Variants in FUZ observed in about 807,000 individuals in gnomAD.
FUZ encodes the protein fuzzy planar cell polarity protein, also known as protein fuzzy homolog.
A neutral mutation model predicts 43.1 loss-of-function variants in FUZ; 31 were observed. The ratio of observed to expected loss-of-function variants is 0.72; its 90% CI spans 0.54 to 0.97. FUZ has a LOEUF of 0.97. Ranked by LOEUF, FUZ falls within the 50% of genes least tolerant of loss-of-function variation. The pLI is 0.00. For missense variants in FUZ, 539 were observed against 543.8 expected (o/e 0.99, Z 0.09); for synonymous variants, 274 against 250.0 (o/e 1.10, Z -0.91).
At position 49,809,097 on chromosome 19, in the gene FUZ, G is replaced by A. The variant is rs1355477225; in HGVS notation, c.786+66C>T. 1 of 1,404,618 alleles carries A rather than the reference G, an allele frequency of 7.1e-7. No homozygotes were observed. The highest frequency in any genetic ancestry group is 2.5e-5 in the East Asian group (1 of 40,232). The allele number at this position is 1,404,618 out of a possible 1,614,324, so 87.0% of individuals were successfully genotyped here. A position where few individuals can be genotyped will look rare whatever the true frequency, so the allele number is the denominator to read the frequency against. On this transcript the variant is annotated intron_variant, in intron 7 of 10. Coordinates refer to ENST00000313777, the MANE Select transcript of FUZ (RefSeq NM_025129.5). This position sits in a 1 kb window ranked among gnomAD's most constrained non-coding sequence, Gnocchi z 5.1. ...AAAGATGCCGCTGGCAGGGCAGGGT[G>A]GTGGGGAAGGGCCCTCCTGGTAGCG...
intron 3 of FUZ, 53 bp downstream of exon 3, chr19:49,812,197 TG>T (rs2073825081): frequency 7.9e-7 from 1 of 1,260,970 alleles, no homozygotes; most frequent in Non-Finnish European, 1.2e-6. Flanking sequence ...GGGAAAAGGA[TG>T]CTGAGATCTC....
chr19:49,808,915 T>A (rs1308278910), intron 7 of FUZ, 92 bp from the exon 8 acceptor site: 1 of 1,016,762 alleles, frequency 9.8e-7, no homozygotes, highest in Non-Finnish European at 1.5e-6. Context: ...GCGTGGTCAA[T>A]CGGGAGGGGC....
In FUZ at chr19:49,808,712, C is replaced by T. The variant is rs1466303254; in HGVS notation, c.893+5G>A. ...CCCGACCCACTCCCTCCATCCGAGCCCTACCCGAGGATGTCTGTGTGAAGG... is the reference window on the plus strand; with the variant it reads ...CCCGACCCACTCCCTCCATCCGAGCTCTACCCGAGGATGTCTGTGTGAAGG... On this transcript the variant is annotated splice_donor_5th_base_variant and intron_variant, in intron 8 of 10. Coordinates refer to ENST00000313777, the MANE Select transcript of FUZ (RefSeq NM_025129.5). 1 of 1,595,846 alleles carries T rather than the reference C, an allele frequency of 6.3e-7. No homozygotes were observed. The highest frequency in any genetic ancestry group is 2.3e-5 in the East Asian group (1 of 44,048).
At chr19:49,808,532 C>G (rs2073535917) in intron 9 of FUZ, 42 bp downstream of exon 9, 17 of 1,595,304 alleles carry the variant, frequency 1.1e-5, no homozygotes, top group Non-Finnish European at 1.5e-5. Context: ...CTCCCCGGCC[C>G]ACGCCCCTCC....
rs750242672 is a variant in FUZ, at chr19:49,813,097, C to T, written c.10G>A (p.Glu4Lys). 3 of 1,551,298 alleles carry T rather than the reference C, an allele frequency of 1.9e-6. No individual in the cohort carries two copies. The highest frequency in any genetic ancestry group is 3.9e-5 in the Admixed American group (2 of 51,008). ...AGATGCACAGTGCCGCCCGTCCCCT[C>T]CTCCCCCATTTAGGACTCCCACCGC... MGE[E>K]GTGGTVHLLC... Residue 4 changes from glutamate to lysine, a missense_variant, in exon 1 of 11, where the codon GAG becomes AAG. By Grantham distance (56) the Glu-to-Lys change is moderately conservative. Coordinates refer to ENST00000313777, the MANE Select transcript of FUZ (RefSeq NM_025129.5).
chr19:49,811,059 G>A (rs2073756773), intron 5 of FUZ: 1 of 431,580 alleles, frequency 2.3e-6, no homozygotes, highest in African/African-American at 2.0e-5. Flanking sequence ...GCTGAGGCAG[G>A]AGAATTACTT....
rs150642478 is a variant in FUZ, at chr19:49,809,537, G to C, written c.531C>G (p.Thr177=). 145 of 1,601,544 alleles carry C rather than the reference G, an allele frequency of 9.1e-5. No individual in the cohort carries two copies. In the African/African-American group the frequency reaches 1.6e-3, roughly 18 times the overall value. The change falls in exon 6 of 11, where the codon ACC becomes ACG. Residue 177 remains threonine (T), a synonymous_variant. Transcript: ENST00000313777. This position sits in a 1 kb window ranked among gnomAD's most constrained non-coding sequence, Gnocchi z 5.1. The part of the protein sequence containing the change: ...LSGFAEAAGT[T]FVSLVVSGRV... Reference sequence around the variant, plus strand: ...GGCCGGACACCACCAGACTGACGAAGGTCGTGCCCGCGGCCTCAGCGAACC... The same window carrying C: ...GGCCGGACACCACCAGACTGACGAACGTCGTGCCCGCGGCCTCAGCGAACC...
At position 49,808,621 on chromosome 19, in the gene FUZ, A is replaced by C. The variant is rs147900073; in HGVS notation, c.911T>G (p.Leu304Arg). Reference protein sequence around the residue: ...TDILGLLLLHLELKRCLFTVE... With the variant: ...TDILGLLLLHRELKRCLFTVE... ...GGTGAAGAGGCAGCGCTTCAGTTCC[A>C]GGTGGAGGAGCAGCAGCCTGTGGGA... Residue 304 changes from leucine (L) to arginine (R), a missense_variant, in exon 9 of 11, where the codon CTG (leucine) becomes CGG (arginine). Transcript: ENST00000313777. 18 of 1,613,148 alleles carry C rather than the reference A, an allele frequency of 1.1e-5. No homozygotes were observed. The highest frequency in any genetic ancestry group is 1.5e-5 in the Non-Finnish European group (18 of 1,179,718).
At chr19:49,812,369 C>T (rs775283968) in intron 2 of FUZ, 34 bp from the exon 3 acceptor site, 9 of 1,579,314 alleles carry the variant, frequency 5.7e-6, no homozygotes, top group Non-Finnish European at 7.8e-6. Context: ...TGAGTCAAGG[C>T]CTGGGGAATC....
chr19:49,813,089 C>T lies in FUZ; in HGVS notation c.18G>A (p.Thr6=), dbSNP rs1482832841. The change falls in exon 1 of 11, where the codon ACG becomes ACA. Residue 6 remains threonine (T), a synonymous_variant. Transcript: ENST00000313777. The part of the protein sequence containing the change: MGEEG[T]GGTVHLLCLA... ...GGCACAGCAGATGCACAGTGCCGCC[C>T]GTCCCCTCCTCCCCCATTTAGGACT... is the stretch of plus-strand genomic sequence containing the variant. 14 of 1,551,256 alleles carry T rather than the reference C, an allele frequency of 9.0e-6. No homozygotes were observed. Among genetic ancestry groups the T allele is most frequent in the Non-Finnish European group, 1.1e-5 (13 of 1,146,958 alleles).
At chr19:49,807,513 C>T (rs548718510) in intron 10 of FUZ, 139 bp from the exon 11 acceptor site, 18 of 826,392 alleles carry the variant, frequency 2.2e-5, no homozygotes, top group South Asian at 1.5e-4. Flanking sequence ...GGGAGGGCCT[C>T]GGGGCTCTAG....
In FUZ at chr19:49,806,958, CCCCT is replaced by C. The variant is rs767602587; in HGVS notation, c.*189_*192del. The C allele has an allele frequency of 7.2e-6, 11 of 1,532,742 alleles. No homozygotes were observed. The highest frequency in any genetic ancestry group is 9.6e-6 in the Non-Finnish European group (11 of 1,146,318). The allele number at this position is 1,532,742 out of a possible 1,614,324, so 94.9% of individuals were successfully genotyped here. ...ACATTCTGGGGGGTTAGGGGGAGTC[CCCCT>C]CCCTCCCTTTCCCCCCCAAGCACAG... On this transcript the variant is annotated 3_prime_UTR_variant, in exon 11 of 11. Coordinates refer to ENST00000313777, the MANE Select transcript of FUZ (RefSeq NM_025129.5).
rs1227389881 is a variant in FUZ at position 49,808,558 on chromosome 19, C to G, written c.958+16G>C. 3 of 1,602,142 alleles carry G rather than the reference C, an allele frequency of 1.9e-6. No individual in the cohort carries two copies. The highest frequency in any genetic ancestry group is 4.5e-5 in the East Asian group (2 of 44,360). On this transcript the variant is annotated intron_variant, in intron 9 of 10. Transcript: ENST00000313777. Reference sequence around the variant, plus strand: ...ACGCCCCTCCTACCCCTGCCCCTGCCCCTGTCCTCAGTCACCTTTATCCCC... The same window carrying G: ...ACGCCCCTCCTACCCCTGCCCCTGCGCCTGTCCTCAGTCACCTTTATCCCC...
chr19:49,812,568 G>C (rs745365836), intron 2 of FUZ, 47 bp downstream of exon 2: 1 of 1,613,514 alleles, frequency 6.2e-7, no homozygotes, highest in Admixed American at 1.7e-5. Context: ...CTTCAACAGG[G>C]ACTATCACCC....
Position 49,809,198 on chromosome 19 carries a change from CGCAGAGTAGACACAGCTCCAGGCTCGGCA to C in FUZ, c.722_750del (p.Leu241ArgfsTer69). On this transcript the variant is annotated frameshift_variant, in exon 7 of 11. Coordinates refer to ENST00000313777, the MANE Select transcript of FUZ (RefSeq NM_025129.5). LOFTEE classifies it high-confidence loss of function. The surrounding 1 kb of genome is among the most constrained non-coding windows in gnomAD (Gnocchi z 5.1). Reference sequence around the variant, plus strand: ...AACTGGCTGAGGGGTGGGCTCGGCCCGCAGAGTAGACACAGCTCCAGGCTCGGCAGCAGAGTCAGGGTCAGGAGCCGGTG... The same window carrying C: ...AACTGGCTGAGGGGTGGGCTCGGCCCGCAGAGTCAGGGTCAGGAGCCGGTG... 6.4e-7 allele frequency: 1 copy of C among 1,551,564 alleles called. No individual in the cohort carries two copies. Among genetic ancestry groups the C allele is most frequent in the Non-Finnish European group, 8.7e-7 (1 of 1,147,130 alleles).
chr19:49,808,109 C>T (rs2073498710), intron 10 of FUZ: 2 of 459,158 alleles, frequency 4.4e-6, no homozygotes, highest in Middle Eastern at 6.3e-4. Flanking sequence ...ATGGGATAGT[C>T]CTCACCTGTG....
Position 49,813,135 on chromosome 19 carries a change from G to C in FUZ, c.-29C>G. On this transcript the variant is annotated 5_prime_UTR_variant, in exon 1 of 11. Coordinates refer to ENST00000313777, the MANE Select transcript of FUZ (RefSeq NM_025129.5). The stretch of plus-strand genomic sequence containing the variant: ...GGACTCCCACCGCGGTCCCTCACGT[G>C]GGGACTGTCAGTGCGGGTCTTGGAG... The C allele has an allele frequency of 1.3e-6, 2 of 1,525,220 alleles. No individual in the cohort carries two copies. Among genetic ancestry groups the C allele is most frequent in the Non-Finnish European group, 1.8e-6 (2 of 1,123,548 alleles). 94.5% of individuals were successfully genotyped at this position (1,525,220 alleles called of 1,614,324 possible).
intron 9 of FUZ, 34 bp downstream of exon 9, chr19:49,808,540 T>G: frequency 6.6e-7 from 1 of 1,505,760 alleles, no homozygotes; most frequent in Non-Finnish European, 9.1e-7. Context: ...CCCACGCCCC[T>G]CCTACCCCTG....
intron 5 of FUZ, among the ~76,000 whole-genome samples, chr19:49,810,071 T>C (rs2073687630): frequency 1.3e-5 from 2 of 152,056 alleles, no homozygotes; most frequent in African/African-American, 2.4e-5. Context: ...TGGGTGGAAG[T>C]AGACTGTGGA....
Sources: allele counts gnomAD v4.1 joint callset (sites outside exome capture counted in the v4.1 genomes callset), GRCh38; gene constraint gnomAD v4.1.1; non-coding constraint Gnocchi (gnomAD v3.1); transcripts MANE v1.5; gene names NCBI Gene and HGNC (gene_info 2026-07-23, HGNC 2026-07-21).